EIF2AK4: variants seen among roughly 807,000 people sequenced by gnomAD.
EIF2AK4 encodes the protein eukaryotic translation initiation factor 2 alpha kinase 4.
EIF2AK4 carries 139 observed loss-of-function variants against 211.1 expected under a neutral mutation model. The ratio of observed to expected loss-of-function variants is 0.66; its 90% CI spans 0.57 to 0.76. The LOEUF is 0.76. EIF2AK4 is among the 30% of genes least tolerant of loss of function. EIF2AK4 has a pLI of 0.00. For missense variants in EIF2AK4, 1,664 were observed against 2,043.8 expected (o/e 0.81, Z 3.58); for synonymous variants, 710 against 751.3 (o/e 0.94, Z 0.90).
At chr15:39,954,493 A>T (rs1212100117) in intron 5 of EIF2AK4, among the ~76,000 whole-genome samples, 1 of 152,208 alleles carries the variant, frequency 6.6e-6, no homozygotes, top group Non-Finnish European at 1.5e-5. Context: ...GCCTCAAGTG[A>T]TCCACCCACC....
chr15:39,934,278 A>G lies in EIF2AK4; in HGVS notation c.83A>G (p.Gln28Arg). ...CCGCAACGACAGGACCACGAGCTAC[A>G]GGCCCTGGAGGCCATTTACGGCGCG... The part of the protein sequence containing the change: ...SYPQRQDHEL[Q>R]ALEAIYGADF... Residue 28 changes from glutamine to arginine, a missense_variant, in exon 1 of 39, where the codon CAG becomes CGG. Physicochemically the swap from Gln to Arg is conservative, Grantham distance 43. Transcript: ENST00000263791. 1 of 1,611,766 alleles carries G rather than the reference A, an allele frequency of 6.2e-7. No homozygotes were observed. Among genetic ancestry groups the G allele is most frequent in the Non-Finnish European group, 8.5e-7 (1 of 1,179,020 alleles).
intron 17 of EIF2AK4, 55 bp downstream of exon 17, chr15:39,992,284 T>C: frequency 6.8e-7 from 1 of 1,463,538 alleles, no homozygotes; most frequent in Non-Finnish European, 9.3e-7. Flanking sequence ...CAGAATTTCT[T>C]AACCTGAAAC....
rs56105285 is a variant in EIF2AK4 at position 40,032,406 on chromosome 15, T to G, written c.4728+169T>G. On this transcript the variant is annotated intron_variant, in intron 36 of 38. Transcript: ENST00000263791. ...ACTATTAAGAACTAGGGGGAGAATT[T>G]AAGGTTTTTTGTTTCTCCTCTTTGT... is the stretch of plus-strand genomic sequence containing the variant. Among the ~76,000 whole-genome samples the G allele has an allele frequency of 2.9e-3, 438 of 152,340 alleles. 2 individuals carry two copies. The highest frequency in any genetic ancestry group is 6.6e-3 in the South Asian group (32 of 4,824).
rs1388622522 is a variant in EIF2AK4, at chr15:40,007,124, C to G, written c.3407+59C>G. On this transcript the variant is annotated intron_variant, in intron 24 of 38. Transcript: ENST00000263791. ...ATAGGAAAATAGTTGAATAATTTGT[C>G]AACCAGGAAAGAATATTTTATTTCC... is the stretch of plus-strand genomic sequence containing the variant. 7 of 1,388,882 alleles carry G rather than the reference C, an allele frequency of 5.0e-6. No individual in the cohort carries two copies. In the Admixed American group the frequency reaches 5.4e-5, roughly 11 times the overall value. The allele number at this position is 1,388,882 out of a possible 1,614,324, so 86.0% of individuals were successfully genotyped here. A position where few individuals can be genotyped will look rare whatever the true frequency, so the allele number is the denominator to read the frequency against.
chr15:39,942,757 G>A (rs190641006), intron 2 of EIF2AK4, among the ~76,000 whole-genome samples: 1 of 152,314 alleles, frequency 6.6e-6, no homozygotes, highest in African/African-American at 2.4e-5. Flanking sequence ...TACACAAGAA[G>A]TGAGCATTTC....
At chr15:39,961,574 G>C (rs939191158) in intron 6 of EIF2AK4, among the ~76,000 whole-genome samples, 16 of 152,152 alleles carry the variant, frequency 1.1e-4, no homozygotes, top group African/African-American at 3.9e-4. Context: ...AATGGGAAGT[G>C]GGGGAAGTGA....
intron 14 of EIF2AK4, among the ~76,000 whole-genome samples, chr15:39,987,141 C>G (rs2140925461): frequency 6.6e-6 from 1 of 152,290 alleles, no homozygotes; most frequent in South Asian, 2.1e-4. Flanking sequence ...ATTGGTCCCC[C>G]AAACCACTGT....
intron 6 of EIF2AK4, among the ~76,000 whole-genome samples, chr15:39,958,574 T>C (rs2034423874): frequency 6.6e-6 from 1 of 152,166 alleles, no homozygotes; most frequent in Admixed American, 6.5e-5. Context: ...TGGTCCTCTG[T>C]TGTTCAGTTT....
chr15:39,998,470 G>A (rs539789632), intron 19 of EIF2AK4, among the ~76,000 whole-genome samples: 1 of 152,186 alleles, frequency 6.6e-6, no homozygotes, highest in East Asian at 1.9e-4. Flanking sequence ...CAATGTTATA[G>A]TATGTGAGGT....
chr15:40,017,159 A>G lies in EIF2AK4; in HGVS notation c.3982A>G (p.Ile1328Val), dbSNP rs1348299222. The G allele has an allele frequency of 1.9e-6, 3 of 1,614,070 alleles. No homozygotes were observed. The highest frequency in any genetic ancestry group is 1.6e-4 in the Middle Eastern group (1 of 6,062). ...VYKVQQHNGI[I>V]FQFVAFIKRR... ...CAAGGTGCAGCAGCACAATGGAATC[A>G]TCTTCCAGTTTGTGGCTTTCATCAA... The change falls in exon 29 of 39, where the codon ATC (isoleucine) becomes GTC (valine). Residue 1328 changes from isoleucine to valine, a missense_variant. This residue lies in a region of EIF2AK4 where 622 missense variants were observed against 796.8 expected (regional missense o/e 0.78). Transcript: ENST00000263791.
chr15:39,940,361 A>C (rs1595539779), intron 2 of EIF2AK4, among the ~76,000 whole-genome samples: 1 of 152,214 alleles, frequency 6.6e-6, no homozygotes, highest in Non-Finnish European at 1.5e-5. Context: ...AAGTAGTTTG[A>C]AATTATTGTA....
chr15:39,961,367 T>C (rs903682951), intron 6 of EIF2AK4, among the ~76,000 whole-genome samples: 2 of 152,220 alleles, frequency 1.3e-5, no homozygotes, highest in African/African-American at 4.8e-5. Flanking sequence ...TGCTGACCAG[T>C]AGAACTTTTT....
chr15:39,967,145 G>C (rs2034554844), intron 8 of EIF2AK4, among the ~76,000 whole-genome samples, 199 bp from the exon 9 acceptor site: 1 of 152,030 alleles, frequency 6.6e-6, no homozygotes, highest in Non-Finnish European at 1.5e-5. Context: ...TGACCATATG[G>C]TTTGGGGAGG....
Position 40,034,523 on chromosome 15 carries a change from T to C in EIF2AK4, c.4892+79T>C. 7.8e-6 allele frequency: 9 copies of C among 1,156,370 alleles called. No individual in the cohort carries two copies. In the South Asian group the frequency reaches 9.2e-5, roughly 12 times the overall value. The allele number at this position is 1,156,370 out of a possible 1,614,324, so 71.6% of individuals were successfully genotyped here. On this transcript the variant is annotated intron_variant, in intron 38 of 38. Coordinates refer to ENST00000263791, the MANE Select transcript of EIF2AK4 (RefSeq NM_001013703.4). ...GGGTTTCAGAGTGACATTATTTTGT[T>C]GTCTTGTTGAGGTTTGACGCCTGGT...
chr15:39,974,138 A>G (rs2034662313), intron 11 of EIF2AK4: 1 of 154,048 alleles, frequency 6.5e-6, no homozygotes, highest in Non-Finnish European at 1.4e-5. Flanking sequence ...TAGAAGAGAG[A>G]TGGACTTCAA....
intron 4 of EIF2AK4, chr15:39,951,522 A>C: frequency 7.9e-6 from 3 of 378,338 alleles, no homozygotes; most frequent in Non-Finnish European, 1.5e-5. Flanking sequence ...CAATAGCTGC[A>C]CTCTGGAAGC....
chr15:39,985,685 T>C (rs1011237972), intron 13 of EIF2AK4, 120 bp from the exon 14 acceptor site: 3 of 782,164 alleles, frequency 3.8e-6, no homozygotes, highest in Non-Finnish European at 6.5e-6. Flanking sequence ...GCTCACTGAC[T>C]TCTCCCTAAG....
At chr15:39,950,056 T>C (rs950519290) in intron 4 of EIF2AK4, among the ~76,000 whole-genome samples, 9 of 152,244 alleles carry the variant, frequency 5.9e-5, no homozygotes, top group African/African-American at 1.9e-4. Context: ...ATTTAGCACT[T>C]TAATCAACTT....
chr15:40,017,549 A>G lies in EIF2AK4; in HGVS notation c.4065+307A>G, dbSNP rs1272926224. ...TATATATATATATATATATATATAT[A>G]TATATGTATTTTGGAGACAGGGCCT... On this transcript the variant is annotated intron_variant, in intron 29 of 38. Coordinates refer to ENST00000263791, the MANE Select transcript of EIF2AK4 (RefSeq NM_001013703.4). Among the ~76,000 whole-genome samples the G allele has an allele frequency of 1.3e-4, 10 of 76,660 alleles. No individual in the cohort carries two copies. In the East Asian group the frequency reaches 1.7e-3, roughly 13 times the overall value. 50.3% of individuals were successfully genotyped at this position (76,660 alleles called of 152,430 possible). A position where few individuals can be genotyped will look rare whatever the true frequency, so the allele number is the denominator to read the frequency against.
Sources: allele counts gnomAD v4.1 joint callset (sites outside exome capture counted in the v4.1 genomes callset), GRCh38; gene constraint gnomAD v4.1.1; regional missense constraint gnomAD v4.1.1; transcripts MANE v1.5; gene names NCBI Gene and HGNC (gene_info 2026-07-23, HGNC 2026-07-21).